The following NOL4L variants were observed in gnomAD, a reference collection of about 807,000 sequenced individuals.
NOL4L encodes nucleolar protein 4 like, also known as nucleolar protein 4-like.
A neutral mutation model predicts 64.5 loss-of-function variants in NOL4L; 7 were observed. The observed-to-expected ratio is 0.11, with a 90% CI of 0.06 to 0.20. The LOEUF (loss-of-function observed/expected upper bound fraction) is 0.20. Among genes scored for constraint, NOL4L ranks in the 10% least tolerant of loss-of-function variants. The probability of loss-of-function intolerance (pLI) is 1.00; values close to 1 mark genes in which losing one functional copy is unlikely to be tolerated. For synonymous variants in NOL4L, 413 were observed against 401.0 expected (o/e 1.03, Z -0.36); for missense variants, 680 against 967.1 (o/e 0.70, Z 3.94).
At chr20:32,547,942 G>C (rs1474362464) in intron 1 of NOL4L, among the ~76,000 whole-genome samples, 1 of 152,074 alleles carries the variant, frequency 6.6e-6, no homozygotes, top group Non-Finnish European at 1.5e-5. Flanking sequence ...CCCACAACTG[G>C]GTGGTTTCAT....
chr20:32,479,546 A>C lies in NOL4L; in HGVS notation c.700-4804T>G, dbSNP rs143196741. On this transcript the variant is annotated intron_variant, in intron 4 of 10. Coordinates refer to ENST00000621426, the MANE Select transcript of NOL4L (RefSeq NM_001256798.2). ...CAGGAGTTCAAGACCCACCTGGGCA[A>C]CACAGTGAGACGCTGTCTCTATTTA... Among the ~76,000 whole-genome samples the C allele has an allele frequency of 1.2e-3, 189 of 152,322 alleles. No individual in the cohort carries two copies. In the Middle Eastern group the frequency reaches 0.014, roughly 11 times the overall value.
At chr20:32,538,520 A>G (rs938212466) in intron 1 of NOL4L, among the ~76,000 whole-genome samples, 1 of 128,038 alleles carries the variant, frequency 7.8e-6, no homozygotes, top group African/African-American at 3.0e-5. Context: ...TGGCTGGGGT[A>G]GCCAGCACCC....
intron 5 of NOL4L, among the ~76,000 whole-genome samples, chr20:32,469,314 C>T (rs6058710): frequency 0.088 from 13,374 of 152,050 alleles, 1,495 homozygotes; most frequent in African/African-American, 0.27. Flanking sequence ...AAATAGGGCC[C>T]CAGACATCAT....
rs765543770 is a variant in NOL4L, at chr20:32,447,738, G to T, written c.1901C>A (p.Thr634Asn). The T allele has an allele frequency of 6.2e-7, 1 of 1,600,948 alleles. No homozygotes were observed. Among genetic ancestry groups the T allele is most frequent in the South Asian group, 1.1e-5 (1 of 90,306 alleles). The change falls in exon 11 of 11, where the codon ACC (threonine) becomes AAC (asparagine). Residue 634 changes from threonine to asparagine, a missense_variant. By Grantham distance (65) the Thr-to-Asn change is moderately conservative. Coordinates refer to ENST00000621426, the MANE Select transcript of NOL4L (RefSeq NM_001256798.2). The stretch of plus-strand genomic sequence containing the variant: ...CTGAGCGGTGGGCACGGGCCTGCTG[G>T]TGCTGGTGCTGGAGGGGGTGGGCGT... ...TPTPTPSSTS[T>N]SRPVPTAQLS...
intron 4 of NOL4L, among the ~76,000 whole-genome samples, chr20:32,497,858 C>T (rs1568658708): frequency 6.6e-6 from 1 of 152,224 alleles, no homozygotes; most frequent in Non-Finnish European, 1.5e-5. Context: ...TCATGGACGC[C>T]CAGGTAGCAG....
intron 4 of NOL4L, among the ~76,000 whole-genome samples, chr20:32,478,015 C>T (rs1244893389): frequency 6.6e-6 from 1 of 152,204 alleles, no homozygotes; most frequent in Non-Finnish European, 1.5e-5. Context: ...GATAACTGCC[C>T]CTGCGAGGCC....
chr20:32,456,596 G>A (rs1191691038), intron 5 of NOL4L, among the ~76,000 whole-genome samples: 8 of 152,214 alleles, frequency 5.3e-5, no homozygotes, highest in Admixed American at 5.2e-4. Flanking sequence ...GAACAGAGGG[G>A]CCATCAGGAG....
chr20:32,499,147 G>C (rs1003558927), intron 4 of NOL4L, among the ~76,000 whole-genome samples: 7 of 152,078 alleles, frequency 4.6e-5, no homozygotes, highest in Non-Finnish European at 1.0e-4. Flanking sequence ...AAAGTGCTGG[G>C]ATTACAGGCG....
At position 32,536,139 on chromosome 20, in the gene NOL4L, C is replaced by T. The variant is rs868648940; in HGVS notation, c.322-8226G>A. On this transcript the variant is annotated intron_variant, in intron 1 of 10. Coordinates refer to ENST00000621426, the MANE Select transcript of NOL4L (RefSeq NM_001256798.2). Reference sequence around the variant, plus strand: ...GGGAACCCAAATGATGCACAAACAGCACCCGCCCTAGAAGACACCCATTAA... The same window carrying T: ...GGGAACCCAAATGATGCACAAACAGTACCCGCCCTAGAAGACACCCATTAA... The T allele has an allele frequency of 7.1e-5, 70 of 985,690 alleles. No individual in the cohort carries two copies. In the Middle Eastern group the frequency reaches 2.1e-3, roughly 29 times the overall value. The allele number at this position is 985,690 out of a possible 1,614,324, so 61.1% of individuals were successfully genotyped here.
chr20:32,462,124 C>A (rs2014126099), intron 5 of NOL4L, among the ~76,000 whole-genome samples: 1 of 152,166 alleles, frequency 6.6e-6, no homozygotes, highest in African/African-American at 2.4e-5. Context: ...GGTTGCTGGG[C>A]CCGTGGTGCA....
At chr20:32,507,731 C>T (rs191506678) in intron 4 of NOL4L, among the ~76,000 whole-genome samples, 49 of 152,288 alleles carry the variant, frequency 3.2e-4, no homozygotes, top group African/African-American at 1.1e-3. Context: ...TTATCCTGGC[C>T]GGGCACAGTG....
chr20:32,502,501 G>A (rs2016961901), intron 4 of NOL4L, among the ~76,000 whole-genome samples: 1 of 151,994 alleles, frequency 6.6e-6, no homozygotes, highest in African/African-American at 2.4e-5. Flanking sequence ...GCTGAGGCAA[G>A]AGAAATGCCT....
intron 1 of NOL4L, among the ~76,000 whole-genome samples, chr20:32,580,930 G>A (rs2145627734): frequency 6.6e-6 from 1 of 152,372 alleles, no homozygotes; most frequent in Non-Finnish European, 1.5e-5. Context: ...CAGAGGAAAA[G>A]GAAAGGGGTT....
At chr20:32,484,526 G>A (rs1204716779) in intron 4 of NOL4L, among the ~76,000 whole-genome samples, 1 of 151,746 alleles carries the variant, frequency 6.6e-6, no homozygotes, top group Non-Finnish European at 1.5e-5. Context: ...TGTCCGGGAG[G>A]CGCTCACCTG....
chr20:32,478,026 C>T (rs1252653163), intron 4 of NOL4L, among the ~76,000 whole-genome samples: 2 of 152,220 alleles, frequency 1.3e-5, no homozygotes, highest in South Asian at 2.1e-4. Context: ...CTGCGAGGCC[C>T]GCCCCGCCTG....
intron 5 of NOL4L, 25 bp from the exon 6 acceptor site, chr20:32,456,420 G>A (rs1413629834): frequency 1.4e-6 from 2 of 1,447,100 alleles, no homozygotes; most frequent in Non-Finnish European, 1.8e-6. Flanking sequence ...CTGGGTGTGA[G>A]GCCCCACCCA....
chr20:32,531,628 C>A (rs1482735417), intron 1 of NOL4L, among the ~76,000 whole-genome samples: 1 of 152,164 alleles, frequency 6.6e-6, no homozygotes, highest in Non-Finnish European at 1.5e-5. Context: ...GCTGGGATTA[C>A]ATGTGTGAGC....
chr20:32,536,141 C>T (rs1355375599), intron 1 of NOL4L: 8 of 985,674 alleles, frequency 8.1e-6, no homozygotes, highest in Non-Finnish European at 9.6e-6. Context: ...ACAAACAGCA[C>T]CCGCCCTAGA....
intron 4 of NOL4L, among the ~76,000 whole-genome samples, chr20:32,481,054 T>C (rs2015684275): frequency 6.6e-6 from 1 of 152,274 alleles, no homozygotes; most frequent in Non-Finnish European, 1.5e-5. Context: ...TCTCGCTCTC[T>C]CTCCCTCACA....
Sources: gnomAD v4.1 joint callset for allele counts (sites outside exome capture counted in the v4.1 genomes callset) on GRCh38, gnomAD v4.1.1 for gene constraint, MANE v1.5 for transcripts, NCBI Gene and HGNC (gene_info 2026-07-23, HGNC 2026-07-21) for gene names.